The following DAD1 variants were observed in gnomAD, a reference collection of about 807,000 sequenced individuals.
DAD1 encodes defender against cell death 1.
Under a neutral mutation model 9.0 loss-of-function variants are expected in DAD1, and 4 were observed. The observed-to-expected ratio is 0.44, with a 90% CI of 0.22 to 1.01. The LOEUF (loss-of-function observed/expected upper bound fraction) is 1.01, where lower values mean the gene tolerates loss of function less well. Among genes scored for constraint, DAD1 ranks in the 50% least tolerant of loss-of-function variants. The pLI is 0.24. For synonymous variants in DAD1, 60 were observed against 62.5 expected, an observed-to-expected ratio of 0.96 and a Z score of 0.19; for missense variants, 119 against 137.3, an observed-to-expected ratio of 0.87 and a Z score of 0.67.
intron 1 of DAD1, among the ~76,000 whole-genome samples, chr14:22,577,349 G>A (rs1296895180): frequency 7.9e-5 from 12 of 152,136 alleles, no homozygotes; most frequent in African/African-American, 2.4e-4. Flanking sequence ...CAGAAGAATC[G>A]CTTGAACCCA....
chr14:22,571,908 GCAT>G (rs1194193141), intron 2 of DAD1, among the ~76,000 whole-genome samples: 2 of 152,100 alleles, frequency 1.3e-5, no homozygotes, highest in African/African-American at 4.8e-5. Flanking sequence ...GGGATTACAG[GCAT>G]CAGCCACCGT....
At chr14:22,587,732 G>A (rs928624702) in intron 1 of DAD1, among the ~76,000 whole-genome samples, 1 of 150,514 alleles carries the variant, frequency 6.6e-6, no homozygotes, top group African/African-American at 2.5e-5. Flanking sequence ...CAGCACCACT[G>A]TCACCAGACT....
chr14:22,588,290 A>G (rs1199995694), intron 1 of DAD1, among the ~76,000 whole-genome samples: 5 of 152,372 alleles, frequency 3.3e-5, no homozygotes, highest in South Asian at 4.1e-4. Flanking sequence ...TTGGGCAAGA[A>G]AAGTCAGATT....
chr14:22,575,331 C>G (rs2037069286), intron 1 of DAD1, 98 bp from the exon 2 acceptor site: 1 of 1,379,252 alleles, frequency 7.3e-7, no homozygotes. Flanking sequence ...CAATTCTACT[C>G]TAACAGAAAT....
chr14:22,566,289 T>G (rs1352536654), intron 2 of DAD1, among the ~76,000 whole-genome samples: 4 of 151,070 alleles, frequency 2.6e-5, no homozygotes, highest in Non-Finnish European at 4.4e-5. Context: ...ATCAAATTTC[T>G]TAAAGCAAAC....
At position 22,589,130 on chromosome 14, in the gene DAD1, A is replaced by G. The variant is rs1336303286; in HGVS notation, c.28T>C (p.Ser10Pro). MSASVVSVISRFLEEYLSST... is the reference protein window; with the variant it reads MSASVVSVIPRFLEEYLSST... ...CTCAAGTACTCTTCTAAGAACCGCG[A>G]AATGACAGACACTACCGACGCCGAC... is the stretch of plus-strand genomic sequence containing the variant. Residue 10 changes from serine to proline, a missense_variant, in exon 1 of 3, where the codon TCG becomes CCG. Physicochemically the swap from Ser to Pro is moderately conservative, Grantham distance 74. Coordinates refer to ENST00000250498, the MANE Select transcript of DAD1 (RefSeq NM_001344.4). 1.2e-6 allele frequency: 2 copies of G among 1,614,242 alleles called. No individual in the cohort carries two copies. The highest frequency in any genetic ancestry group is 2.7e-5 in the African/African-American group (2 of 75,064).
At position 22,565,099 on chromosome 14, in the gene DAD1, A is replaced by G. The variant is rs925313617; in HGVS notation, c.*83T>C. 2.8e-6 allele frequency: 2 copies of G among 702,092 alleles called. No homozygotes were observed. The highest frequency in any genetic ancestry group is 2.0e-5 in the Admixed American group (1 of 49,966). The allele number at this position is 702,092 out of a possible 1,614,324, so 43.5% of individuals were successfully genotyped here. ...AAATCCATGTGTCCAATAAGCTGCC[A>G]TCTCCAGAACTCTTATCCAGGAAAT... On this transcript the variant is annotated 3_prime_UTR_variant, in exon 3 of 3. Transcript: ENST00000250498.
At chr14:22,578,224 G>A (rs1362662049) in intron 1 of DAD1, among the ~76,000 whole-genome samples, 2 of 148,328 alleles carry the variant, frequency 1.3e-5, no homozygotes, top group Non-Finnish European at 3.0e-5. Context: ...TTGCACTCTA[G>A]CATGGGCAAC....
chr14:22,588,392 TAG>T (rs1201787159), intron 1 of DAD1, among the ~76,000 whole-genome samples: 1 of 152,056 alleles, frequency 6.6e-6, no homozygotes, highest in African/African-American at 2.4e-5. Context: ...AAGGCTAAAA[TAG>T]AGTTATGTGA....
chr14:22,583,612 G>A (rs1446275392), intron 1 of DAD1, among the ~76,000 whole-genome samples: 5 of 152,068 alleles, frequency 3.3e-5, no homozygotes, highest in Non-Finnish European at 5.9e-5. Context: ...GTGGTCAAAC[G>A]GATTTTTTTT....
chr14:22,580,999 C>A (rs75846110), intron 1 of DAD1, among the ~76,000 whole-genome samples: 2,666 of 152,286 alleles, frequency 0.018, 67 homozygotes, highest in African/African-American at 0.06. Flanking sequence ...TCTCCCTGGG[C>A]ACTTCCAAAG....
At chr14:22,587,088 C>T (rs998125980) in intron 1 of DAD1, among the ~76,000 whole-genome samples, 2 of 152,212 alleles carry the variant, frequency 1.3e-5, no homozygotes, top group Non-Finnish European at 2.9e-5. Flanking sequence ...ATTTCAGCCA[C>T]AACGGGCTCA....
At chr14:22,577,937 C>T (rs189717033) in intron 1 of DAD1, among the ~76,000 whole-genome samples, 1 of 152,166 alleles carries the variant, frequency 6.6e-6, no homozygotes, top group African/African-American at 2.4e-5. Flanking sequence ...TAAATTTTGT[C>T]ATGTTTTATC....
Position 22,589,011 on chromosome 14 carries a change from C to T in DAD1, c.147G>A (p.Gly49=). The change falls in exon 1 of 3, where the codon GGG becomes GGA. Residue 49 remains glycine (G), a synonymous_variant. Coordinates refer to ENST00000250498, the MANE Select transcript of DAD1 (RefSeq NM_001344.4). ...AGAGAAAAGAGTTGAAGGGGAAGGT[C>T]CCCACGAGGAGACAGTAACCGAACT... is the stretch of plus-strand genomic sequence containing the variant. ...ALQFGYCLLV[G]TFPFNSFLSG... 1.9e-6 allele frequency: 3 copies of T among 1,614,218 alleles called. No individual in the cohort carries two copies. Among genetic ancestry groups the T allele is most frequent in the Non-Finnish European group, 1.7e-6 (2 of 1,180,036 alleles).
intron 1 of DAD1, among the ~76,000 whole-genome samples, chr14:22,587,760 A>G (rs1362426736): frequency 6.8e-5 from 9 of 131,898 alleles, no homozygotes; most frequent in African/African-American, 2.8e-4. Flanking sequence ...TTTTTTTTTG[A>G]GGCTGAGCCT....
chr14:22,587,302 C>T (rs1376531125), intron 1 of DAD1, among the ~76,000 whole-genome samples: 1 of 152,170 alleles, frequency 6.6e-6, no homozygotes, highest in Non-Finnish European at 1.5e-5. Flanking sequence ...TTAAAATCAG[C>T]TTTCAGACCC....
intron 1 of DAD1, among the ~76,000 whole-genome samples, chr14:22,577,382 C>T: frequency 6.6e-6 from 1 of 152,074 alleles, no homozygotes; most frequent in Non-Finnish European, 1.5e-5. Flanking sequence ...TGCAGTGAGC[C>T]GACATCACTC....
At chr14:22,585,886 A>G (rs1374511508) in intron 1 of DAD1, among the ~76,000 whole-genome samples, 1 of 152,226 alleles carries the variant, frequency 6.6e-6, no homozygotes, top group East Asian at 1.9e-4. Context: ...GCTAACACCA[A>G]TTTTAAATCT....
chr14:22,573,643 G>C (rs1467888568), intron 2 of DAD1, among the ~76,000 whole-genome samples: 3 of 147,288 alleles, frequency 2.0e-5, no homozygotes, highest in African/African-American at 7.5e-5. Flanking sequence ...TCGGGAGGCG[G>C]AGTCTGCAGT....
Sources: gnomAD v4.1 joint callset for allele counts (sites outside exome capture counted in the v4.1 genomes callset) on GRCh38, gnomAD v4.1.1 for gene constraint, MANE v1.5 for transcripts, NCBI Gene and HGNC (gene_info 2026-07-23, HGNC 2026-07-21) for gene names.